Variants in DAB1 observed in about 807,000 individuals in gnomAD.
The protein encoded by DAB1 is disabled homolog 1.
A neutral mutation model predicts 64.6 loss-of-function variants in DAB1; 15 were observed. The ratio of observed to expected loss-of-function variants is 0.23; its 90% CI spans 0.16 to 0.36. The LOEUF is 0.36. Ranked by LOEUF, DAB1 falls within the 10% of genes least tolerant of loss-of-function variation. DAB1 has a pLI of 1.00. For missense variants in DAB1, 596 were observed against 706.7 expected (o/e 0.84, Z 1.78); for synonymous variants, 235 against 251.9 (o/e 0.93, Z 0.64).
chr1:57,460,515 C>T (rs1686747464), intron 7 of DAB1, among the ~76,000 whole-genome samples: 1 of 152,180 alleles, frequency 6.6e-6, no homozygotes. Flanking sequence ...AAGTGTTATG[C>T]TTTTGCAATG....
At chr1:57,581,697 C>T (rs71642128) in intron 7 of DAB1, among the ~76,000 whole-genome samples, 4 of 147,198 alleles carry the variant, frequency 2.7e-5, no homozygotes, top group African/African-American at 7.5e-5. Context: ...ATAACATATA[C>T]TATATAATAA....
At chr1:57,507,190 T>G (rs1644354174) in intron 7 of DAB1, among the ~76,000 whole-genome samples, 1 of 152,188 alleles carries the variant, frequency 6.6e-6, no homozygotes, top group Non-Finnish European at 1.5e-5. Context: ...CTTTCCAGAC[T>G]TATCACCTAT....
At chr1:58,172,482 T>C (rs942651415) in intron 4 of DAB1, among the ~76,000 whole-genome samples, 10 of 152,344 alleles carry the variant, frequency 6.6e-5, no homozygotes, top group African/African-American at 2.4e-4. Flanking sequence ...AACTGCCTAC[T>C]TAGATACTAG....
chr1:57,019,206 C>T (rs756345799), intron 11 of DAB1, among the ~76,000 whole-genome samples: 63 of 152,236 alleles, frequency 4.1e-4, no homozygotes, highest in Admixed American at 6.5e-4. Flanking sequence ...TGGTTTGGGA[C>T]GGGAGAAAGG....
intron 6 of DAB1, among the ~76,000 whole-genome samples, chr1:57,788,126 A>G (rs776197974): frequency 1.1e-4 from 16 of 152,192 alleles, no homozygotes; most frequent in Non-Finnish European, 2.2e-4. Context: ...AACTAAATAT[A>G]TGCTTACCCA....
chr1:58,300,802 C>G (rs1662153486), intron 4 of DAB1, among the ~76,000 whole-genome samples: 2 of 152,000 alleles, frequency 1.3e-5, no homozygotes, highest in Admixed American at 6.6e-5. Flanking sequence ...GCATACAGTT[C>G]TGCACATTGT....
intron 6 of DAB1, among the ~76,000 whole-genome samples, chr1:57,808,132 T>C (rs1651450763): frequency 6.6e-6 from 1 of 151,660 alleles, no homozygotes. Context: ...CTGTATTATA[T>C]TCTCCCTCTC....
chr1:57,768,264 G>T (rs1203380670), intron 6 of DAB1, among the ~76,000 whole-genome samples: 1 of 150,408 alleles, frequency 6.6e-6, no homozygotes, highest in Non-Finnish European at 1.5e-5. Context: ...TGTGTGTTTG[G>T]CAAGTAATCT....
intron 3 of DAB1, among the ~76,000 whole-genome samples, chr1:58,383,594 T>A (rs1644408123): frequency 7.2e-6 from 1 of 138,290 alleles, no homozygotes; most frequent in Non-Finnish European, 1.5e-5. Context: ...ATACATTTTT[T>A]CAGTACAGTA....
At chr1:58,098,015 T>A (rs1309744338) in intron 5 of DAB1, among the ~76,000 whole-genome samples, 1 of 152,112 alleles carries the variant, frequency 6.6e-6, no homozygotes, top group African/African-American at 2.4e-5. Flanking sequence ...AAATGAAACA[T>A]TTATTGACCA....
chr1:58,077,090 G>T (rs1290548318), intron 5 of DAB1, among the ~76,000 whole-genome samples: 1 of 152,076 alleles, frequency 6.6e-6, no homozygotes, highest in Non-Finnish European at 1.5e-5. Context: ...GCAGGCAGGG[G>T]CTGACTTTAC....
chr1:57,704,660 G>T (rs1004216258), intron 6 of DAB1, among the ~76,000 whole-genome samples: 1 of 152,170 alleles, frequency 6.6e-6, no homozygotes. Context: ...GCATTTGGTA[G>T]AAGAGCCAAC....
At chr1:57,897,503 C>T (rs554221686) in intron 5 of DAB1, among the ~76,000 whole-genome samples, 1 of 152,272 alleles carries the variant, frequency 6.6e-6, no homozygotes, top group South Asian at 2.1e-4. Context: ...CACATCTTCT[C>T]AATTCCTTTG....
intron 9 of DAB1, among the ~76,000 whole-genome samples, chr1:57,045,398 A>G (rs959433050): frequency 1.3e-5 from 2 of 152,184 alleles, no homozygotes; most frequent in African/African-American, 4.8e-5. Flanking sequence ...GTTTTAAAAT[A>G]TAAGAAAGTA....
chr1:57,086,948 G>T (rs1557695312), intron 4 of DAB1, among the ~76,000 whole-genome samples: 1 of 152,194 alleles, frequency 6.6e-6, no homozygotes, highest in Non-Finnish European at 1.5e-5. Flanking sequence ...GGAAGTCAAA[G>T]ATCTGTGGTG....
At chr1:57,410,077 T>C (rs1683987219) in intron 1 of DAB1, among the ~76,000 whole-genome samples, 1 of 151,728 alleles carries the variant, frequency 6.6e-6, no homozygotes, top group Non-Finnish European at 1.5e-5. Context: ...TTGATAAAAC[T>C]GGAGGGTAAA....
chr1:58,105,539 AC>A (rs970911668), intron 5 of DAB1, among the ~76,000 whole-genome samples: 6 of 152,162 alleles, frequency 3.9e-5, no homozygotes, highest in Non-Finnish European at 7.3e-5. Context: ...TTGGCCCCCT[AC>A]TATCGATGCA....
chr1:58,161,650 A>G, intron 4 of DAB1, among the ~76,000 whole-genome samples: 1 of 152,170 alleles, frequency 6.6e-6, no homozygotes, highest in East Asian at 1.9e-4. Context: ...ATATATGTAT[A>G]TATATAATTT....
At chr1:57,490,729 T>C (rs566800350) in intron 7 of DAB1, among the ~76,000 whole-genome samples, 2 of 152,306 alleles carry the variant, frequency 1.3e-5, no homozygotes, top group African/African-American at 4.8e-5. Flanking sequence ...TTGAACAATA[T>C]CTAAACAACG....
Sources: gnomAD v4.1 joint callset for allele counts (sites outside exome capture counted in the v4.1 genomes callset) on GRCh38, gnomAD v4.1.1 for gene constraint, MANE v1.5 for transcripts, NCBI Gene and HGNC (gene_info 2026-07-23, HGNC 2026-07-21) for gene names.